ARB2A: variants seen among roughly 807,000 people sequenced by gnomAD.
ARB2A encodes the protein ARB2 cotranscriptional regulator A.
the ARB2A span, among the ~76,000 whole-genome samples, chr5:93,904,365 T>C: frequency 6.6e-6 from 1 of 151,864 alleles, no homozygotes; most frequent in Admixed American, 6.6e-5. Context: ...AAGTTAAAAG[T>C]TATATCTTTC....
chr5:94,038,544 A>T, the ARB2A span, among the ~76,000 whole-genome samples: 3 of 152,130 alleles, frequency 2.0e-5, no homozygotes, highest in Non-Finnish European at 4.4e-5. Context: ...TAACTGTGTG[A>T]ATGTAAAGAA....
the ARB2A span, among the ~76,000 whole-genome samples, chr5:94,005,408 A>G: frequency 1.3e-5 from 2 of 152,134 alleles, no homozygotes; most frequent in Non-Finnish European, 2.9e-5. Context: ...GGGTTTCACC[A>G]TATTGCCCAG....
At chr5:94,002,126 T>C in the ARB2A span, among the ~76,000 whole-genome samples, 7 of 152,002 alleles carry the variant, frequency 4.6e-5, no homozygotes, top group South Asian at 1.5e-3. Context: ...TTGATTGAAG[T>C]TGACTATTTC....
At chr5:93,962,829 C>G in the ARB2A span, among the ~76,000 whole-genome samples, 1 of 152,096 alleles carries the variant, frequency 6.6e-6, no homozygotes, top group Non-Finnish European at 1.5e-5. Context: ...TAAAGTAAAT[C>G]TCTCTTGCTT....
At chr5:93,762,596 T>C in the ARB2A span, among the ~76,000 whole-genome samples, 27,931 of 152,124 alleles carry the variant, frequency 0.18, 2,954 homozygotes, top group Middle Eastern at 0.28. Flanking sequence ...GAAAGTGATA[T>C]GGAGAATGGA....
the ARB2A span, among the ~76,000 whole-genome samples, chr5:94,082,010 C>G: frequency 6.6e-6 from 1 of 152,170 alleles, no homozygotes; most frequent in African/African-American, 2.4e-5. Flanking sequence ...CAGAGCCAGG[C>G]TAGCAATTGT....
chr5:93,942,832 T>C, the ARB2A span, among the ~76,000 whole-genome samples: 6 of 152,148 alleles, frequency 3.9e-5, no homozygotes, highest in Non-Finnish European at 8.8e-5. Flanking sequence ...TATCCATGTA[T>C]GTATGTAGCT....
chr5:93,618,515 T>A, the ARB2A span: 1 of 150,914 alleles, frequency 6.6e-6, no homozygotes, highest in Non-Finnish European at 1.5e-5. Flanking sequence ...ACACTGGCCG[T>A]CCTCATGCAG....
chr5:94,053,198 G>T, the ARB2A span: 1 of 1,591,342 alleles, frequency 6.3e-7, no homozygotes, highest in Non-Finnish European at 8.6e-7. Context: ...TTTTTCATTA[G>T]TTCATCCAAA....
the ARB2A span, among the ~76,000 whole-genome samples, chr5:93,896,062 CAAG>C: frequency 6.6e-6 from 1 of 151,904 alleles, no homozygotes. Flanking sequence ...TAAAATACTT[CAAG>C]AATAAGCCAT....
the ARB2A span, among the ~76,000 whole-genome samples, chr5:94,090,012 A>G: frequency 1.3e-5 from 2 of 152,230 alleles, no homozygotes; most frequent in African/African-American, 2.4e-5. Context: ...TCTGAATAAG[A>G]GCAATCCAGA....
chr5:93,900,978 A>G, the ARB2A span, among the ~76,000 whole-genome samples: 1 of 152,170 alleles, frequency 6.6e-6, no homozygotes, highest in Admixed American at 6.6e-5. Flanking sequence ...GGTTTATGTC[A>G]TATTCCAAAC....
the ARB2A span, among the ~76,000 whole-genome samples, chr5:93,872,035 G>A: frequency 1.3e-5 from 2 of 148,764 alleles, no homozygotes; most frequent in Non-Finnish European, 3.0e-5. Flanking sequence ...TGCAACCTCT[G>A]CCTCCCCGGT....
chr5:94,009,456 CACCCTGAT>C, the ARB2A span, among the ~76,000 whole-genome samples: 2 of 152,052 alleles, frequency 1.3e-5, no homozygotes, highest in African/African-American at 4.8e-5. Context: ...ATAAAAATCT[CACCCTGAT>C]ACCAACCCTC....
chr5:93,661,631 C>T, the ARB2A span, among the ~76,000 whole-genome samples: 1 of 148,102 alleles, frequency 6.8e-6, no homozygotes, highest in African/African-American at 2.5e-5. Context: ...ATAAAATAGG[C>T]TAACACTAAT....
the ARB2A span, among the ~76,000 whole-genome samples, chr5:93,657,642 A>G: frequency 6.6e-6 from 1 of 152,184 alleles, no homozygotes; most frequent in Non-Finnish European, 1.5e-5. Flanking sequence ...CATATAAAGT[A>G]AAACAAGACA....
At chr5:93,838,431 G>A in the ARB2A span, among the ~76,000 whole-genome samples, 4 of 152,100 alleles carry the variant, frequency 2.6e-5, no homozygotes, top group Admixed American at 2.6e-4. Flanking sequence ...GTGGTAATGT[G>A]ATACCTCCAC....
the ARB2A span, among the ~76,000 whole-genome samples, chr5:93,884,399 A>G: frequency 2.7e-3 from 407 of 151,756 alleles, 1 homozygote; most frequent in African/African-American, 9.3e-3. Flanking sequence ...GCATTTATAT[A>G]TCATCAAAGA....
At chr5:93,639,135 C>T in the ARB2A span, among the ~76,000 whole-genome samples, 1 of 152,102 alleles carries the variant, frequency 6.6e-6, no homozygotes, top group African/African-American at 2.4e-5. Flanking sequence ...CATCAAGGTA[C>T]TATATTTTCT....
Sources: gnomAD v4.1 joint callset for allele counts (sites outside exome capture counted in the v4.1 genomes callset) on GRCh38, gnomAD v4.1.1 for gene constraint, MANE v1.5 for transcripts, NCBI Gene and HGNC (gene_info 2026-07-23, HGNC 2026-07-21) for gene names.